TEX9: variants seen among roughly 807,000 people sequenced by gnomAD.
TEX9 encodes testis-expressed protein 9.
Under a neutral mutation model 59.6 loss-of-function variants are expected in TEX9, and 74 were observed. The ratio of observed to expected loss-of-function variants is 1.24; its 90% CI spans 1.03 to 1.51. The LOEUF (loss-of-function observed/expected upper bound fraction) is 1.51. TEX9 is among the 40% of genes most tolerant of loss of function. The pLI is 0.00. For missense variants in TEX9, 522 were observed against 447.8 expected (o/e 1.17, Z -1.49); for synonymous variants, 186 against 152.2 (o/e 1.22, Z -1.64).
intron 2 of TEX9, among the ~76,000 whole-genome samples, chr15:56,371,709 C>T (rs7174976): frequency 0.028 from 4,212 of 152,122 alleles, 195 homozygotes; most frequent in African/African-American, 0.095. Flanking sequence ...TTACTAGTTT[C>T]GAGTTTTGAT....
chr15:56,260,337 AC>A (rs1202475691), intron 1 of TEX9, among the ~76,000 whole-genome samples: 1 of 152,146 alleles, frequency 6.6e-6, no homozygotes, highest in African/African-American at 2.4e-5. Flanking sequence ...TCCATATTTC[AC>A]CACTAAATAT....
At chr15:56,353,030 T>C (rs565941905) in intron 1 of TEX9, among the ~76,000 whole-genome samples, 2 of 152,292 alleles carry the variant, frequency 1.3e-5, no homozygotes, top group African/African-American at 4.8e-5. Context: ...AAGCAAATAT[T>C]TGAATTCCCG....
chr15:56,373,568 A>C, intron 3 of TEX9, 64 bp downstream of exon 3: 1 of 1,312,408 alleles, frequency 7.6e-7, no homozygotes, highest in South Asian at 1.5e-5. Flanking sequence ...TTTTCATTTG[A>C]TATATGACAT....
chr15:56,386,522 G>C (rs540941950), intron 4 of TEX9, among the ~76,000 whole-genome samples: 1 of 151,982 alleles, frequency 6.6e-6, no homozygotes, highest in Non-Finnish European at 1.5e-5. Flanking sequence ...ACCTGATCTT[G>C]CTTCCAAGAA....
chr15:56,380,303 A>G (rs1162565049), intron 3 of TEX9, among the ~76,000 whole-genome samples: 2 of 152,184 alleles, frequency 1.3e-5, no homozygotes, highest in African/African-American at 4.8e-5. Flanking sequence ...AAACTAATAC[A>G]AACTCTACAC....
At position 56,265,883 on chromosome 15, in the gene TEX9, T is replaced by A. The variant is rs753438315; in HGVS notation, c.-107+21605T>A. Among the ~76,000 whole-genome samples the A allele has an allele frequency of 2.6e-5, 4 of 152,162 alleles. No homozygotes were observed. In the South Asian group the frequency reaches 8.3e-4, roughly 31 times the overall value. On this transcript the variant is annotated intron_variant, in intron 1 of 5. Transcript: ENST00000560827. ...GGTATTGTTCAGGCTTTTTAATCCTTTACTGATTTTCATTCCTACTGCTTT... is the reference window on the plus strand; with the variant it reads ...GGTATTGTTCAGGCTTTTTAATCCTATACTGATTTTCATTCCTACTGCTTT...
At chr15:56,258,647 T>C (rs1252467963) in intron 1 of TEX9, among the ~76,000 whole-genome samples, 2 of 151,676 alleles carry the variant, frequency 1.3e-5, no homozygotes, top group African/African-American at 4.8e-5. Context: ...TGTGTCACTC[T>C]TTTTCCTTTC....
intron 1 of TEX9, among the ~76,000 whole-genome samples, chr15:56,293,532 T>A (rs1895862): frequency 0.032 from 4,828 of 152,282 alleles, 188 homozygotes; most frequent in East Asian, 0.095. Context: ...CTGCCTAATA[T>A]AAATTCTATT....
chr15:56,337,511 C>G (rs1260388308), intron 1 of TEX9, among the ~76,000 whole-genome samples: 1 of 152,078 alleles, frequency 6.6e-6, no homozygotes, highest in East Asian at 1.9e-4. Flanking sequence ...CAGCTGTAAC[C>G]TTTGTTTCTG....
chr15:56,247,147 T>C (rs1359830244), intron 1 of TEX9, among the ~76,000 whole-genome samples: 1 of 152,200 alleles, frequency 6.6e-6, no homozygotes, highest in Non-Finnish European at 1.5e-5. Context: ...CTTGTGTCTG[T>C]AAACCTTGTC....
chr15:56,391,167 T>A, intron 6 of TEX9, 76 bp from the exon 7 acceptor site: 1 of 930,838 alleles, frequency 1.1e-6, no homozygotes, highest in Non-Finnish European at 1.5e-6. Flanking sequence ...GTAAAAGGCA[T>A]ATATCCTGTC....
At chr15:56,429,335 A>G (rs549713476) in intron 12 of TEX9, 3 of 592,162 alleles carry the variant, frequency 5.1e-6, no homozygotes, top group African/African-American at 3.9e-5. Flanking sequence ...CTTTAAAAAA[A>G]TCAATACTTT....
At chr15:56,255,949 A>G (rs2044135801) in intron 1 of TEX9, among the ~76,000 whole-genome samples, 1 of 152,070 alleles carries the variant, frequency 6.6e-6, no homozygotes, top group South Asian at 2.1e-4. Context: ...ACTAGCTGCT[A>G]AAACACAAAG....
intron 4 of TEX9, among the ~76,000 whole-genome samples, chr15:56,384,728 G>C (rs560102475): frequency 1.3e-5 from 2 of 152,250 alleles, no homozygotes; most frequent in Admixed American, 1.3e-4. Context: ...GAAAGATAAA[G>C]GATTAATATT....
chr15:56,368,128 G>C (rs901396247), intron 2 of TEX9, among the ~76,000 whole-genome samples: 10 of 151,998 alleles, frequency 6.6e-5, no homozygotes, highest in Admixed American at 5.2e-4. Flanking sequence ...CTAGGGTTTT[G>C]GTAGATTCTT....
exon 4 of TEX9, chr15:56,384,017 T>C: frequency 1.2e-6 from 2 of 1,612,890 alleles, no homozygotes; most frequent in Non-Finnish European, 1.7e-6. Context: ...ATGACGAAGA[T>C]GATTACAGTT....
At chr15:56,280,715 A>G (rs570528567) in intron 1 of TEX9, among the ~76,000 whole-genome samples, 3 of 152,376 alleles carry the variant, frequency 2.0e-5, no homozygotes, top group African/African-American at 7.2e-5. Context: ...GAAGAGGTAT[A>G]TAACAGAATC....
chr15:56,460,010 ATAC>A, the TEX9 span, among the ~76,000 whole-genome samples: 28 of 27,426 alleles, frequency 1.0e-3, 1 homozygote, highest in East Asian at 2.8e-3. Context: ...AAAAAAAAAA[ATAC>A]ATATATATAT....
intron 1 of TEX9, among the ~76,000 whole-genome samples, chr15:56,300,708 G>GAGAGAGAGA (rs2045331855): frequency 1.9e-5 from 2 of 102,670 alleles, no homozygotes; most frequent in South Asian, 3.6e-4. Flanking sequence ...AGAGAGAGAG[G>GAGAGAGAGA]GAGAGAGAGA....
Sources: gnomAD v4.1 joint callset for allele counts (sites outside exome capture counted in the v4.1 genomes callset) on GRCh38, gnomAD v4.1.1 for gene constraint, MANE v1.5 for transcripts, NCBI Gene and HGNC (gene_info 2026-07-23, HGNC 2026-07-21) for gene names.